Variants in NCF4 observed in about 807,000 individuals in gnomAD.
The protein encoded by NCF4 is neutrophil cytosolic factor 4, also known as neutrophil cytosol factor 4.
A neutral mutation model predicts 41.7 loss-of-function variants in NCF4; 30 were observed. The ratio of observed to expected loss-of-function variants is 0.72; its 90% CI spans 0.54 to 0.97. The LOEUF is 0.97. Ranked by LOEUF, NCF4 falls within the 50% of genes least tolerant of loss-of-function variation. NCF4 has a pLI of 0.00. For missense variants in NCF4, 432 were observed against 460.9 expected, an observed-to-expected ratio of 0.94 and a Z score of 0.57; for synonymous variants, 195 against 175.8, an observed-to-expected ratio of 1.11 and a Z score of -0.87.
Position 36,875,294 on chromosome 22 carries a change from T to C in NCF4, c.628-359T>C, listed in dbSNP as rs1335438350. 2.6e-5 allele frequency among the ~76,000 whole-genome samples: 4 copies of C among 152,198 alleles called. No individual in the cohort carries two copies. In the East Asian group the frequency reaches 5.8e-4, roughly 22 times the overall value. On this transcript the variant is annotated intron_variant, in intron 7 of 9. Coordinates refer to ENST00000248899, the MANE Select transcript of NCF4 (RefSeq NM_000631.5). ...ATTCACCAGCTTCGGCCTCCCAAAG[T>C]GCTAGGATTACAGGTGTGAGCTACT...
chr22:36,864,790 C>A, intron 2 of NCF4, 129 bp from the exon 3 acceptor site: 1 of 1,132,280 alleles, frequency 8.8e-7, no homozygotes, highest in Non-Finnish European at 1.3e-6. Context: ...GGGTCTCCTT[C>A]TCCAGAGACC....
chr22:36,872,623 T>C (rs1024750017), intron 7 of NCF4, among the ~76,000 whole-genome samples, 198 bp downstream of exon 7: 5 of 119,320 alleles, frequency 4.2e-5, no homozygotes, highest in Admixed American at 8.0e-5. Flanking sequence ...GAAGGTGAGA[T>C]TGGAGGTGAG....
chr22:36,873,864 C>T (rs199652108), intron 7 of NCF4, among the ~76,000 whole-genome samples: 15 of 16,784 alleles, frequency 8.9e-4, no homozygotes, highest in Admixed American at 3.3e-3. Flanking sequence ...GAAATCGCAA[C>T]CACTTGTGTA....
At position 36,876,063 on chromosome 22, in the gene NCF4, C is replaced by T; in HGVS notation, c.793C>T (p.Pro265Ser). The T allele has an allele frequency of 1.2e-6, 2 of 1,611,220 alleles. No individual in the cohort carries two copies. The change falls in exon 9 of 10, where the codon CCC (proline) becomes TCC (serine). Residue 265 changes from proline (P) to serine (S), a missense_variant. Pro to Ser is a moderately conservative substitution (Grantham distance 74). Transcript: ENST00000248899. ...IAVEEDLSST[P>S]LLKDLLELTR... ...GGTGGAGGAAGATCTCAGCAGCACT[C>T]CCCTATTGAAAGACCTGCTGGAGCT...
At chr22:36,869,738 A>G (rs1940008383) in intron 4 of NCF4, among the ~76,000 whole-genome samples, 1 of 152,154 alleles carries the variant, frequency 6.6e-6, no homozygotes, top group African/African-American at 2.4e-5. Flanking sequence ...GGATGAAACA[A>G]GGACACTAGG....
chr22:36,867,529 C>A, intron 4 of NCF4, 67 bp downstream of exon 4: 1 of 1,542,054 alleles, frequency 6.5e-7, no homozygotes, highest in Non-Finnish European at 8.9e-7. Flanking sequence ...AGCCCACGTA[C>A]CATCCCTGGG....
At chr22:36,861,353 C>A in intron 1 of NCF4, 150 bp downstream of exon 1, 2 of 1,049,030 alleles carry the variant, frequency 1.9e-6, no homozygotes, top group Non-Finnish European at 2.8e-6. Context: ...CCTCTCAGAA[C>A]TGCTTTAACG....
chr22:36,871,723 C>A lies in NCF4; in HGVS notation c.528+14C>A, dbSNP rs1386797582. 1 of 1,554,884 alleles carries A rather than the reference C, an allele frequency of 6.4e-7. No homozygotes were observed. Among genetic ancestry groups the A allele is most frequent in the East Asian group, 2.4e-5 (1 of 41,320 alleles). On this transcript the variant is annotated intron_variant, in intron 6 of 9. Coordinates refer to ENST00000248899, the MANE Select transcript of NCF4 (RefSeq NM_000631.5). ...CCGAGAGCAGAGGTAACCCCCGCCC[C>A]CACGCTGGCCAGGCTCTCACACTGT...
Position 36,861,212 on chromosome 22 carries a change from C to A in NCF4, c.32+9C>A, listed in dbSNP as rs377217264. The A allele has an allele frequency of 3.2e-6, 5 of 1,551,344 alleles. No individual in the cohort carries two copies. Among genetic ancestry groups the A allele is most frequent in the Non-Finnish European group, 4.4e-6 (5 of 1,146,828 alleles). Reference sequence around the variant, plus strand: ...CAGCTGCGGGCCGAGAGGTGAGTGCCGGGGTGTGGCCGCCCCCGGGCCTTC... The same window carrying A: ...CAGCTGCGGGCCGAGAGGTGAGTGCAGGGGTGTGGCCGCCCCCGGGCCTTC... On this transcript the variant is annotated intron_variant, in intron 1 of 9. Coordinates refer to ENST00000248899, the MANE Select transcript of NCF4 (RefSeq NM_000631.5).
chr22:36,862,636 T>C (rs909429407), intron 1 of NCF4, among the ~76,000 whole-genome samples: 1 of 152,170 alleles, frequency 6.6e-6, no homozygotes, highest in Non-Finnish European at 1.5e-5. Flanking sequence ...CATGAGGCCT[T>C]GAGCCAGGTA....
intron 4 of NCF4, among the ~76,000 whole-genome samples, chr22:36,869,419 G>A (rs1940000945): frequency 6.6e-6 from 1 of 152,198 alleles, no homozygotes; most frequent in Non-Finnish European, 1.5e-5. Flanking sequence ...GACAGGCAGA[G>A]CTGGGATTCG....
intron 6 of NCF4, 71 bp downstream of exon 6, chr22:36,871,780 T>G: frequency 6.7e-7 from 1 of 1,491,090 alleles, no homozygotes. Context: ...TGCCAGCCAC[T>G]GGGCCTCTCC....
Position 36,877,890 on chromosome 22 carries a change from G to A in NCF4, c.*67G>A. 6.7e-7 allele frequency: 1 copy of A among 1,502,740 alleles called. No individual in the cohort carries two copies. Among genetic ancestry groups the A allele is most frequent in the Non-Finnish European group, 9.1e-7 (1 of 1,103,070 alleles). 93.1% of individuals were successfully genotyped at this position (1,502,740 alleles called of 1,614,324 possible). On this transcript the variant is annotated 3_prime_UTR_variant, in exon 10 of 10. Coordinates refer to ENST00000248899, the MANE Select transcript of NCF4 (RefSeq NM_000631.5). ...ACCTTCAGCTCTCAGAGGAGATTGG[G>A]ACCAGGAAAACCTGGGAGGATGGGC...
chr22:36,875,077 T>G (rs1390643311), intron 7 of NCF4, among the ~76,000 whole-genome samples: 1 of 152,198 alleles, frequency 6.6e-6, no homozygotes, highest in Non-Finnish European at 1.5e-5. Context: ...TTGCCCAGGC[T>G]GGAGTGCAAT....
intron 7 of NCF4, among the ~76,000 whole-genome samples, chr22:36,874,731 G>A (rs1940154326): frequency 6.6e-6 from 1 of 152,224 alleles, no homozygotes; most frequent in African/African-American, 2.4e-5. Flanking sequence ...TAGGGTCGTT[G>A]TGAAGATGAA....
chr22:36,867,589 T>G, intron 4 of NCF4, 127 bp downstream of exon 4: 2 of 987,312 alleles, frequency 2.0e-6, no homozygotes, highest in Non-Finnish European at 3.2e-6. Flanking sequence ...GGCCCCATCT[T>G]CAATCCCTAA....
At chr22:36,863,556 C>G in intron 1 of NCF4, among the ~76,000 whole-genome samples, 1 of 11,430 alleles carries the variant, frequency 8.7e-5, no homozygotes, top group African/African-American at 5.4e-4. Context: ...CATCACGTTC[C>G]ACCTCCTGCT....
In NCF4 at chr22:36,865,029, C is replaced by T. The variant is rs188209920; in HGVS notation, c.228C>T (p.Asp76=). 2.8e-5 allele frequency: 45 copies of T among 1,613,514 alleles called. No individual in the cohort carries two copies. The Admixed American group carries it at 7.3e-4, about 26-fold the overall frequency. The part of the protein sequence containing the change: ...QSKLEERFGP[D]SKSSALACTL... ...AGCTGGAGGAGCGCTTCGGGCCAGA[C>T]AGCAAGAGCAGTGCCCTGGCCTGTA... Residue 76 remains aspartate (D), a synonymous_variant, in exon 3 of 10, where the codon GAC becomes GAT. Transcript: ENST00000248899. This position sits in a 1 kb window ranked among gnomAD's most constrained non-coding sequence, Gnocchi z 4.3.
intron 9 of NCF4, 120 bp downstream of exon 9, chr22:36,876,214 A>G (rs1048796933): frequency 9.6e-7 from 1 of 1,040,440 alleles, no homozygotes; most frequent in African/African-American, 1.6e-5. Flanking sequence ...TTCTCTTTTT[A>G]TCCGCAGCCC....
Sources: allele counts gnomAD v4.1 joint callset (sites outside exome capture counted in the v4.1 genomes callset), GRCh38; gene constraint gnomAD v4.1.1; non-coding constraint Gnocchi (gnomAD v3.1); transcripts MANE v1.5; gene names NCBI Gene and HGNC (gene_info 2026-07-23, HGNC 2026-07-21).